Variants in BNIP2 observed in about 807,000 individuals in gnomAD.
BNIP2 encodes the protein BCL2 interacting protein 2.
A neutral mutation model predicts 43.4 loss-of-function variants in BNIP2; 36 were observed. The ratio of observed to expected loss-of-function variants is 0.83; its 90% CI spans 0.64 to 1.10. The LOEUF is 1.10. BNIP2 is among the 50% of genes least tolerant of loss of function. The probability of loss-of-function intolerance (pLI) is 0.00; values close to 1 mark genes in which losing one functional copy is unlikely to be tolerated. For synonymous variants in BNIP2, 146 were observed against 121.0 expected (o/e 1.21, Z -1.35); for missense variants, 417 against 374.1 (o/e 1.11, Z -0.95).
chr15:59,688,990 T>A (rs1894207966), intron 1 of BNIP2, 145 bp downstream of exon 1: 1 of 1,443,100 alleles, frequency 6.9e-7, no homozygotes, highest in African/African-American at 1.4e-5. Flanking sequence ...CCGAGCAGGT[T>A]CTATGGCTCC....
rs372066102 is a variant in BNIP2 at position 59,674,059 on chromosome 15, C to A, written c.473-1320G>T. ...GAGTCGAGACTGCACCACTGCACTC[C>A]AGCCTGGGCAACAGAGCAAGACTTG... On this transcript the variant is annotated intron_variant, in intron 5 of 9. Transcript: ENST00000607373. Among the ~76,000 whole-genome samples, 5 of 140,310 alleles carry A rather than the reference C, an allele frequency of 3.6e-5. No homozygotes were observed. In the South Asian group the frequency reaches 6.9e-4, roughly 19 times the overall value. 92.0% of individuals were successfully genotyped at this position (140,310 alleles called of 152,430 possible).
intron 9 of BNIP2, 89 bp downstream of exon 9, chr15:59,668,803 T>C (rs1412996440): frequency 2.3e-5 from 27 of 1,151,954 alleles, no homozygotes; most frequent in Admixed American, 9.7e-5. Context: ...TAAAATATAA[T>C]ACATAAAGAA....
intron 7 of BNIP2, among the ~76,000 whole-genome samples, chr15:59,670,938 T>C (rs940668659): frequency 1.3e-5 from 2 of 152,092 alleles, no homozygotes; most frequent in Non-Finnish European, 2.9e-5. Context: ...CTGGGCGTGG[T>C]GGCGCATGCC....
chr15:59,666,307 G>A (rs1892563463), intron 9 of BNIP2, among the ~76,000 whole-genome samples: 1 of 152,046 alleles, frequency 6.6e-6, no homozygotes, highest in Non-Finnish European at 1.5e-5. Context: ...ACTCTTCTTA[G>A]CACCACTACT....
intron 4 of BNIP2, chr15:59,678,820 C>G (rs1302943082): frequency 7.7e-7 from 1 of 1,303,000 alleles, no homozygotes; most frequent in Non-Finnish European, 1.0e-6. Flanking sequence ...CGGAAAATAT[C>G]CTTCCAGGAA....
intron 1 of BNIP2, among the ~76,000 whole-genome samples, chr15:59,687,030 A>G (rs1229466665): frequency 1.3e-5 from 2 of 152,180 alleles, no homozygotes; most frequent in African/African-American, 2.4e-5. Flanking sequence ...AAAGCTAAAT[A>G]AAATAAAATA....
rs199776931 is a variant in BNIP2 at position 59,680,222 on chromosome 15, G to T, written c.118+19C>A. 104 of 1,502,486 alleles carry T rather than the reference G, an allele frequency of 6.9e-5. No individual in the cohort carries two copies. The African/African-American group carries it at 1.2e-3, about 18-fold the overall frequency. 93.1% of individuals were successfully genotyped at this position (1,502,486 alleles called of 1,614,324 possible). On this transcript the variant is annotated intron_variant, in intron 3 of 9. Coordinates refer to ENST00000607373, the MANE Select transcript of BNIP2 (RefSeq NM_004330.4). ...CACAAAGTCCATAATTTCAATGAAA[G>T]TAAGTGTCAAGCTCTTACCAGGCTG...
chr15:59,671,288 A>AGT lies in BNIP2; in HGVS notation c.601_602insAC (p.Leu201TyrfsTer2), dbSNP rs1892892071. The stretch of plus-strand genomic sequence containing the variant: ...AACTATCATGTAGTTTTCTGCTACT[A>AGT]ATAGCTCCAAAGTGCCAATAACATA... On this transcript the variant is annotated frameshift_variant, in exon 7 of 10. Coordinates refer to ENST00000607373, the MANE Select transcript of BNIP2 (RefSeq NM_004330.4). LOFTEE classifies it high-confidence loss of function. 1 of 1,594,246 alleles carries AGT rather than the reference A, an allele frequency of 6.3e-7. No homozygotes were observed. Among genetic ancestry groups the AGT allele is most frequent in the Non-Finnish European group, 8.6e-7 (1 of 1,169,100 alleles).
chr15:59,685,416 G>C (rs146792945), intron 1 of BNIP2, among the ~76,000 whole-genome samples: 17 of 152,292 alleles, frequency 1.1e-4, no homozygotes, highest in Admixed American at 1.1e-3. Context: ...CAGGAGAATC[G>C]CTGGAACCCC....
Position 59,660,598 on chromosome 15 carries a change from T to C in BNIP2, c.*3471A>G, listed in dbSNP as rs940433083. 2.0e-5 allele frequency: 3 copies of C among 152,240 alleles called. No individual in the cohort carries two copies. Among genetic ancestry groups the C allele is most frequent in the East Asian group, 1.9e-4 (1 of 5,200 alleles). The allele number at this position is 152,240 out of a possible 1,614,324, so 9.4% of individuals were successfully genotyped here. A position where few individuals can be genotyped will look rare whatever the true frequency, so the allele number is the denominator to read the frequency against. Reference sequence around the variant, plus strand: ...CATAAACAGCCAAATAGAAATGTTATATAGTCTTTTTAAAAGGCCTCTATC... The same window carrying C: ...CATAAACAGCCAAATAGAAATGTTACATAGTCTTTTTAAAAGGCCTCTATC... On this transcript the variant is annotated 3_prime_UTR_variant, in exon 10 of 10. Coordinates refer to ENST00000607373, the MANE Select transcript of BNIP2 (RefSeq NM_004330.4).
chr15:59,664,257 T>C (rs1468056453), intron 9 of BNIP2, 137 bp from the exon 10 acceptor site: 2 of 497,124 alleles, frequency 4.0e-6, no homozygotes, highest in African/African-American at 2.0e-5. Context: ...GTAAAAACAG[T>C]TACCAAACAT....
At chr15:59,673,582 T>C (rs1352171888) in intron 5 of BNIP2, among the ~76,000 whole-genome samples, 1 of 152,052 alleles carries the variant, frequency 6.6e-6, no homozygotes, top group African/African-American at 2.4e-5. Flanking sequence ...CACACAAACA[T>C]GCCTGGTTAA....
chr15:59,668,559 A>T (rs1188732934), intron 9 of BNIP2, among the ~76,000 whole-genome samples: 1 of 152,232 alleles, frequency 6.6e-6, no homozygotes, highest in Admixed American at 6.5e-5. Context: ...TTTGTTGAGC[A>T]CTATGTTCAA....
intron 9 of BNIP2, 54 bp from the exon 10 acceptor site, chr15:59,664,174 TCTAAAAATAATGA>T: frequency 8.1e-7 from 1 of 1,229,314 alleles, no homozygotes; most frequent in Non-Finnish European, 1.1e-6. Flanking sequence ...CAATTTTCTT[TCTAAAAATAATGA>T]CTATTTTAGC....
In BNIP2 at chr15:59,677,285, C is replaced by T. The variant is rs1893365739; in HGVS notation, c.472+626G>A. 9.5e-6 allele frequency: 15 copies of T among 1,587,230 alleles called. No homozygotes were observed. In the South Asian group the frequency reaches 1.3e-4, roughly 14 times the overall value. On this transcript the variant is annotated intron_variant, in intron 5 of 9. Transcript: ENST00000607373. ...AAGTATACAGGAGCTGCCAGGGGAT[C>T]CTGGCACACCAGAAAGCCACATCAA...
chr15:59,669,420 C>G, intron 7 of BNIP2, 58 bp from the exon 8 acceptor site: 1 of 1,186,794 alleles, frequency 8.4e-7, no homozygotes. Flanking sequence ...TCTATAAATT[C>G]TAATGCTGCA....
intron 5 of BNIP2, among the ~76,000 whole-genome samples, chr15:59,675,055 C>T (rs1201716313): frequency 6.6e-6 from 1 of 151,350 alleles, no homozygotes; most frequent in Non-Finnish European, 1.5e-5. Flanking sequence ...TCGAGACCAG[C>T]CTGGCCAATA....
rs778993982 is a variant in BNIP2, at chr15:59,679,721, G to C, written c.166C>G (p.Pro56Ala). 1 of 1,577,394 alleles carries C rather than the reference G, an allele frequency of 6.3e-7. No homozygotes were observed. The highest frequency in any genetic ancestry group is 8.6e-7 in the Non-Finnish European group (1 of 1,167,488). Residue 56 changes from proline to alanine, a missense_variant, in exon 4 of 10, where the codon CCA (proline) becomes GCA (alanine). Coordinates refer to ENST00000607373, the MANE Select transcript of BNIP2 (RefSeq NM_004330.4). The stretch of plus-strand genomic sequence containing the variant: ...GGATCCAGTGTCAGGCTAATGTCTG[G>C]AGCCATTAGTTTCTTTCTCACTTTA... ...GNKVRKKLMAPDISLTLDPSD... is the reference protein window; with the variant it reads ...GNKVRKKLMAADISLTLDPSD...
Position 59,668,743 on chromosome 15 carries a change from C to T in BNIP2, c.893+149G>A, listed in dbSNP as rs545653682. On this transcript the variant is annotated intron_variant, in intron 9 of 9. Coordinates refer to ENST00000607373, the MANE Select transcript of BNIP2 (RefSeq NM_004330.4). Reference sequence around the variant, plus strand: ...GATGGTGTGGGAAAATGGCTTCTTCCTCTTTTTCTTTGTTACACACACACA... The same window carrying T: ...GATGGTGTGGGAAAATGGCTTCTTCTTCTTTTTCTTTGTTACACACACACA... 3.4e-3 allele frequency: 415 copies of T among 123,574 alleles called. 1 individual carries two copies. In the African/African-American group the frequency reaches 0.035, roughly 10 times the overall value. The allele number at this position is 123,574 out of a possible 1,614,324, so 7.7% of individuals were successfully genotyped here.
Sources: allele counts gnomAD v4.1 joint callset (sites outside exome capture counted in the v4.1 genomes callset), GRCh38; gene constraint gnomAD v4.1.1; transcripts MANE v1.5; gene names NCBI Gene and HGNC (gene_info 2026-07-23, HGNC 2026-07-21).